The following PCNT variants were observed in gnomAD, a reference collection of about 807,000 sequenced individuals.
PCNT encodes kendrin.
A neutral mutation model predicts 380.4 loss-of-function variants in PCNT; 319 were observed. The ratio of observed to expected loss-of-function variants is 0.84; its 90% CI spans 0.77 to 0.92. The LOEUF (loss-of-function observed/expected upper bound fraction) is 0.92, where lower values mean the gene tolerates loss of function less well. Among genes scored for constraint, PCNT ranks in the 40% least tolerant of loss-of-function variants. PCNT has a pLI of 0.00. For missense variants in PCNT, 4,400 were observed against 4,255.3 expected (o/e 1.03, Z -0.95); for synonymous variants, 1,845 against 1,735.2 (o/e 1.06, Z -1.57).
intron 1 of PCNT, among the ~76,000 whole-genome samples, chr21:46,325,527 T>TGGC (rs2083358409): frequency 6.6e-6 from 1 of 152,196 alleles, no homozygotes; most frequent in Non-Finnish European, 1.5e-5. Flanking sequence ...TTGAAGGAAA[T>TGGC]ATTTCCTTGA....
chr21:46,425,007 T>G lies in PCNT; in HGVS notation c.7180-824T>G, dbSNP rs2147894839. Among the ~76,000 whole-genome samples the G allele has an allele frequency of 6.6e-6, 1 of 152,290 alleles. No individual in the cohort carries two copies. The highest frequency in any genetic ancestry group is 1.9e-4 in the East Asian group (1 of 5,186). ...TCACACCCGTCGTAGGCTTCATCAT[T>G]GCCTCATTTTGCATTTCCCTCTTTT... On this transcript the variant is annotated intron_variant, in intron 32 of 46. Coordinates refer to ENST00000359568, the MANE Select transcript of PCNT (RefSeq NM_006031.6). This position sits in a 1 kb window ranked among gnomAD's most constrained non-coding sequence, Gnocchi z 4.2.
At chr21:46,437,316 G>A (rs1569307780) in intron 40 of PCNT, among the ~76,000 whole-genome samples, 1 of 122,158 alleles carries the variant, frequency 8.2e-6, no homozygotes, top group Non-Finnish European at 1.5e-5. Flanking sequence ...GAGCCCTGCT[G>A]CCATGGGATG....
intron 38 of PCNT, 123 bp downstream of exon 38, chr21:46,432,338 T>A: frequency 2.2e-6 from 2 of 928,358 alleles, no homozygotes; most frequent in Non-Finnish European, 3.4e-6. Context: ...CTCTGGTCTG[T>A]GTGCCCTGAC....
intron 43 of PCNT, 101 bp downstream of exon 43, chr21:46,441,185 A>G: frequency 1.3e-6 from 1 of 770,496 alleles, no homozygotes; most frequent in South Asian, 1.4e-5. Context: ...GAAACTCCAT[A>G]ATATGTTCTT....
At chr21:46,439,767 AG>A (rs1407209013) in intron 41 of PCNT, among the ~76,000 whole-genome samples, 1 of 152,180 alleles carries the variant, frequency 6.6e-6, no homozygotes, top group Non-Finnish European at 1.5e-5. Context: ...AGAGTGTTTA[AG>A]GCTTAAAGCT....
At chr21:46,389,495 C>G in intron 19 of PCNT, 64 bp downstream of exon 19, 1 of 1,354,004 alleles carries the variant, frequency 7.4e-7, no homozygotes, top group Non-Finnish European at 1.0e-6. Flanking sequence ...TGATGCCACA[C>G]GAGCCTGGTG....
chr21:46,431,803 T>G lies in PCNT; in HGVS notation c.8339T>G (p.Val2780Gly), dbSNP rs773346770. 20 of 1,613,590 alleles carry G rather than the reference T, an allele frequency of 1.2e-5. No individual in the cohort carries two copies. In the South Asian group the frequency reaches 2.1e-4, roughly 17 times the overall value. ...QLSQRTQEAC[V>G]HQDTQAHHAL... ...AGCCAGAGGACACAGGAGGCTTGCG[T>G]GCACCAGGACACACAGGCCCATCAC... The change falls in exon 38 of 47, where the codon GTG (valine) becomes GGG (glycine). Residue 2780 changes from valine (V) to glycine (G), a missense_variant. Coordinates refer to ENST00000359568, the MANE Select transcript of PCNT (RefSeq NM_006031.6).
At chr21:46,403,874 T>C (rs13049164) in intron 27 of PCNT, among the ~76,000 whole-genome samples, 1,074 of 66,972 alleles carry the variant, frequency 0.016, 214 homozygotes, top group African/African-American at 0.1. Context: ...CCACGCGGCG[T>C]GTGCTCGGTG....
chr21:46,371,914 GCA>G (rs2085146858), intron 15 of PCNT, among the ~76,000 whole-genome samples: 2 of 137,916 alleles, frequency 1.5e-5, no homozygotes, highest in Non-Finnish European at 3.1e-5. Flanking sequence ...GCACATGTGC[GCA>G]CACAGCACAT....
At chr21:46,421,717 T>C (rs2087258402) in intron 31 of PCNT, among the ~76,000 whole-genome samples, 1 of 152,246 alleles carries the variant, frequency 6.6e-6, no homozygotes, top group Non-Finnish European at 1.5e-5. Context: ...AGATTGGCGC[T>C]GGAATCAGGG....
At chr21:46,440,551 C>T (rs1259325015) in intron 42 of PCNT, among the ~76,000 whole-genome samples, 2 of 152,242 alleles carry the variant, frequency 1.3e-5, no homozygotes, top group Non-Finnish European at 2.9e-5. Context: ...CCCGTGACGT[C>T]CATCTCATGC....
At position 46,390,789 on chromosome 21, in the gene PCNT, C is replaced by T. The variant is rs757468305; in HGVS notation, c.3960C>T (p.Ser1320=). ...TGCTGGAGTGTTTGAAGGAGGAGAG[C>T]GCAGCAAAGGCAGAGCTGGCGCTGG... ...QELLECLKEE[S]AAKAELALEL... Residue 1320 remains serine (S), a synonymous_variant, in exon 20 of 47, where the codon AGC becomes AGT. Transcript: ENST00000359568. 5 of 1,612,016 alleles carry T rather than the reference C, an allele frequency of 3.1e-6. No individual in the cohort carries two copies. The highest frequency in any genetic ancestry group is 1.3e-5 in the African/African-American group (1 of 74,866).
chr21:46,350,514 A>G (rs2084228468), intron 8 of PCNT, among the ~76,000 whole-genome samples: 2 of 152,250 alleles, frequency 1.3e-5, no homozygotes, highest in South Asian at 4.1e-4. Context: ...TGGAGGCCTG[A>G]CAAACCTGAG....
intron 13 of PCNT, among the ~76,000 whole-genome samples, chr21:46,360,947 G>A (rs1309995347): frequency 6.6e-6 from 1 of 152,208 alleles, no homozygotes; most frequent in Non-Finnish European, 1.5e-5. Context: ...TTTTCTGTGA[G>A]ATGCGTCTGG....
intron 27 of PCNT, among the ~76,000 whole-genome samples, chr21:46,405,625 G>GTGGA (rs1252509422): frequency 1.3e-5 from 2 of 152,222 alleles, no homozygotes; most frequent in African/African-American, 4.8e-5. Flanking sequence ...AACCCAGAAG[G>GTGGA]TGGAGGTTGG....
intron 43 of PCNT, 29 bp from the exon 44 acceptor site, chr21:46,442,468 T>A (rs772213221): frequency 2.8e-6 from 4 of 1,433,988 alleles, no homozygotes; most frequent in South Asian, 2.3e-5. Context: ...GCCGTACTTT[T>A]AAGTGTGTCT....
intron 14 of PCNT, 102 bp from the exon 15 acceptor site, chr21:46,366,482 C>A: frequency 1.1e-6 from 1 of 927,100 alleles, no homozygotes; most frequent in Non-Finnish European, 1.8e-6. Flanking sequence ...ATGACCTGAA[C>A]AGTTGAAGTG....
At chr21:46,432,278 G>A in intron 38 of PCNT, 63 bp downstream of exon 38, 1 of 1,470,266 alleles carries the variant, frequency 6.8e-7, no homozygotes, top group Non-Finnish European at 9.3e-7. Flanking sequence ...GAGTTAGGAT[G>A]GTTCACGTGG....
In PCNT at chr21:46,412,011, G is replaced by A. The variant is rs375183414; in HGVS notation, c.5938G>A (p.Gly1980Ser). ...MDGGAKAQVT[G>S]DVEASHDAAL... Reference sequence around the variant, plus strand: ...TGGTGGCGCCAAGGCCCAGGTCACCGGCGACGTGGAGGCCTCCCATGATGC... The same window carrying A: ...TGGTGGCGCCAAGGCCCAGGTCACCAGCGACGTGGAGGCCTCCCATGATGC... The change falls in exon 28 of 47, where the codon GGC (glycine) becomes AGC (serine). Residue 1980 changes from glycine (G) to serine (S), a missense_variant. By Grantham distance (56) the Gly-to-Ser change is moderately conservative. Transcript: ENST00000359568. The A allele has an allele frequency of 9.3e-6, 15 of 1,607,304 alleles. No individual in the cohort carries two copies. Among genetic ancestry groups the A allele is most frequent in the East Asian group, 2.2e-5 (1 of 44,882 alleles).
Sources: gnomAD v4.1 joint callset for allele counts (sites outside exome capture counted in the v4.1 genomes callset) on GRCh38, gnomAD v4.1.1 for gene constraint, Gnocchi (gnomAD v3.1) non-coding constraint, MANE v1.5 for transcripts, NCBI Gene and HGNC (gene_info 2026-07-23, HGNC 2026-07-21) for gene names.